The following ASPSCR1 variants were observed in gnomAD, a reference collection of about 807,000 sequenced individuals.
ASPSCR1 encodes ASPSCR1 tether for SLC2A4, UBX domain containing, also known as tether containing UBX domain for GLUT4.
Under a neutral mutation model 68.9 loss-of-function variants are expected in ASPSCR1, and 55 were observed. The ratio of observed to expected loss-of-function variants is 0.80; its 90% confidence interval spans 0.64 to 1.00. ASPSCR1 has a LOEUF of 1.00. Ranked by LOEUF, ASPSCR1 falls within the 50% of genes least tolerant of loss-of-function variation. The pLI, the probability that ASPSCR1 is intolerant of heterozygous loss-of-function variation, is 0.00. For synonymous variants in ASPSCR1, 352 were observed against 332.6 expected (o/e 1.06, Z -0.63); for missense variants, 765 against 762.2 (o/e 1.00, Z -0.04).
intron 7 of ASPSCR1, chr17:82,006,934 C>A (rs2042739904): frequency 6.6e-6 from 1 of 152,368 alleles, no homozygotes; most frequent in Non-Finnish European, 1.5e-5. Context: ...CCTTCCTGGC[C>A]CCTCTTCTCT....
chr17:81,996,319 G>A, intron 6 of ASPSCR1, 101 bp from the exon 7 acceptor site: 2 of 1,489,418 alleles, frequency 1.3e-6, no homozygotes, highest in East Asian at 2.4e-5. Flanking sequence ...GGGGGCGGGA[G>A]AGGGTGAGCC....
In ASPSCR1 at chr17:82,010,787, A is replaced by T. The variant is rs775015648; in HGVS notation, c.1171-15A>T. 4 of 1,611,902 alleles carry T rather than the reference A, an allele frequency of 2.5e-6. No individual in the cohort carries two copies. Among genetic ancestry groups the T allele is most frequent in the Non-Finnish European group, 3.4e-6 (4 of 1,179,168 alleles). ...CTCCGGCCGTCCCTCCAACCCTTCCACTTGTCTGGCCTAGGTGGCTCTGAG... is the reference window on the plus strand; with the variant it reads ...CTCCGGCCGTCCCTCCAACCCTTCCTCTTGTCTGGCCTAGGTGGCTCTGAG... On this transcript the variant is annotated splice_polypyrimidine_tract_variant and intron_variant, in intron 9 of 15. Transcript: ENST00000306739.
chr17:82,010,727 C>G, intron 9 of ASPSCR1, 75 bp from the exon 10 acceptor site: 1 of 1,496,808 alleles, frequency 6.7e-7, no homozygotes, highest in Non-Finnish European at 9.3e-7. Flanking sequence ...CAGCATGGGC[C>G]GAGTGGGGAG....
chr17:82,016,423 C>T, intron 12 of ASPSCR1, 53 bp from the exon 13 acceptor site: 5 of 1,498,108 alleles, frequency 3.3e-6, no homozygotes, highest in Non-Finnish European at 4.5e-6. Context: ...GCCTTCACAG[C>T]AGGGGGGTGC....
intron 4 of ASPSCR1, among the ~76,000 whole-genome samples, chr17:81,992,182 C>G (rs983360613): frequency 6.6e-6 from 1 of 152,242 alleles, no homozygotes; most frequent in Admixed American, 6.5e-5. Context: ...GGCCTGGGGT[C>G]CCCGGGAGGC....
intron 7 of ASPSCR1, among the ~76,000 whole-genome samples, chr17:82,001,103 A>G (rs1367891494): frequency 1.3e-5 from 2 of 151,614 alleles, no homozygotes; most frequent in East Asian, 3.9e-4. Flanking sequence ...CCGGTGTGGG[A>G]CTCGTGGGGC....
At chr17:82,011,699 C>G (rs2042953597) in intron 11 of ASPSCR1, 94 bp downstream of exon 11, 1 of 1,402,726 alleles carries the variant, frequency 7.1e-7, no homozygotes, top group Admixed American at 2.2e-5. Flanking sequence ...CTCGTGGCAG[C>G]TTCTCCACAG....
Position 81,996,070 on chromosome 17 carries a change from G to A in ASPSCR1, c.506+5G>A, listed in dbSNP as rs762187602. The A allele has an allele frequency of 1.9e-6, 3 of 1,603,626 alleles. No individual in the cohort carries two copies. Among genetic ancestry groups the A allele is most frequent in the Non-Finnish European group, 2.6e-6 (3 of 1,176,242 alleles). On this transcript the variant is annotated splice_donor_5th_base_variant and intron_variant, in intron 6 of 15. Coordinates refer to ENST00000306739, the MANE Select transcript of ASPSCR1 (RefSeq NM_024083.4). ...CGGGGGCAGCGCCACCATCAGGTAA[G>A]GGCAGTGCTGCTGGGGCCGAGGAGT... is the stretch of plus-strand genomic sequence containing the variant.
chr17:82,014,918 C>A, intron 12 of ASPSCR1: 1 of 924,480 alleles, frequency 1.1e-6, no homozygotes, highest in Non-Finnish European at 1.6e-6. Context: ...GGCACCCCCA[C>A]TTCTCCCTGT....
intron 2 of ASPSCR1, among the ~76,000 whole-genome samples, chr17:81,979,939 C>T (rs2041743554): frequency 1.3e-5 from 2 of 152,332 alleles, no homozygotes; most frequent in East Asian, 1.9e-4. Context: ...CTATCCCACA[C>T]GCGAAGCTTT....
At chr17:82,011,015 G>C (rs2042919919) in intron 10 of ASPSCR1, 147 bp downstream of exon 10, 4 of 900,882 alleles carry the variant, frequency 4.4e-6, no homozygotes, top group East Asian at 2.7e-5. Flanking sequence ...TGTCCCCTTG[G>C]GGGTGCAGAG....
At chr17:81,984,994 AC>A (rs140516312) in intron 3 of ASPSCR1, among the ~76,000 whole-genome samples, 1,778 of 68,968 alleles carry the variant, frequency 0.026, 66 homozygotes, top group African/African-American at 0.083. Context: ...CTGCGTGCAC[AC>A]CCCCCCACAC....
intron 1 of ASPSCR1, chr17:81,978,737 G>A: frequency 4.6e-6 from 1 of 215,694 alleles, no homozygotes; most frequent in South Asian, 6.0e-5. Flanking sequence ...GGGACCCCTT[G>A]GTGCAAGGCC....
chr17:82,000,916 G>A (rs920736385), intron 7 of ASPSCR1, among the ~76,000 whole-genome samples: 9 of 152,120 alleles, frequency 5.9e-5, no homozygotes, highest in Admixed American at 4.6e-4. Context: ...CCCACAACTC[G>A]GCCTCCCGGC....
At chr17:82,016,749 G>A (rs780973405) in intron 13 of ASPSCR1, 51 bp from the exon 14 acceptor site, 3 of 1,578,854 alleles carry the variant, frequency 1.9e-6, no homozygotes, top group Non-Finnish European at 2.6e-6. Context: ...TGGGTGGATG[G>A]TGAGTGGACC....
intron 2 of ASPSCR1, among the ~76,000 whole-genome samples, chr17:81,981,413 C>T (rs754369693): frequency 6.6e-6 from 1 of 152,190 alleles, no homozygotes; most frequent in Non-Finnish European, 1.5e-5. Flanking sequence ...GAGTCTCGCT[C>T]TGTCACACAG....
rs772416540 is a variant in ASPSCR1 at position 82,016,945 on chromosome 17, A to G, written c.1480A>G (p.Met494Val). The G allele has an allele frequency of 2.5e-6, 4 of 1,611,548 alleles. No individual in the cohort carries two copies. The highest frequency in any genetic ancestry group is 3.4e-6 in the Non-Finnish European group (4 of 1,179,120). Residue 494 changes from methionine to valine, a missense_variant, in exon 15 of 16, where the codon ATG becomes GTG. Coordinates refer to ENST00000306739, the MANE Select transcript of ASPSCR1 (RefSeq NM_024083.4). ...TGTGTCTTCGCCTCCCCACAGGTAC[A>G]TGTCCAGGGCCGCCGGGTCCCCTTC... ...SAADVLVARY[M>V]SRAAGSPSPL...
intron 12 of ASPSCR1, chr17:82,015,490 G>C: frequency 8.3e-7 from 1 of 1,202,494 alleles, no homozygotes; most frequent in Non-Finnish European, 1.1e-6. Context: ...TGCGTCCCGT[G>C]GGGCAGTGCT....
At position 81,983,503 on chromosome 17, in the gene ASPSCR1, G is replaced by C; in HGVS notation, c.159-51G>C. The C allele has an allele frequency of 6.8e-7, 1 of 1,460,632 alleles. No individual in the cohort carries two copies. The highest frequency in any genetic ancestry group is 9.5e-7 in the Non-Finnish European group (1 of 1,056,938). 90.5% of individuals were successfully genotyped at this position (1,460,632 alleles called of 1,614,324 possible). A position where few individuals can be genotyped will look rare whatever the true frequency, so the allele number is the denominator to read the frequency against. ...CGGGGATGGCGGGGCGTGGATGGCA[G>C]GGCGTGTCAGGCTCTGCAGGGCAGC... is the stretch of plus-strand genomic sequence containing the variant. On this transcript the variant is annotated intron_variant, in intron 2 of 15. Transcript: ENST00000306739. This position sits in a 1 kb window ranked among gnomAD's most constrained non-coding sequence, Gnocchi z 4.4.
Sources: allele counts gnomAD v4.1 joint callset (sites outside exome capture counted in the v4.1 genomes callset), GRCh38; gene constraint gnomAD v4.1.1; non-coding constraint Gnocchi (gnomAD v3.1); transcripts MANE v1.5; gene names NCBI Gene and HGNC (gene_info 2026-07-23, HGNC 2026-07-21).